Variants in PTPN22 observed in about 807,000 individuals in gnomAD.
PTPN22 encodes tyrosine-protein phosphatase non-receptor type 22.
Under a neutral mutation model 103.3 loss-of-function variants are expected in PTPN22, and 85 were observed. The ratio of observed to expected loss-of-function variants is 0.82; its 90% confidence interval spans 0.69 to 0.99. The LOEUF is 0.99. Among genes scored for constraint, PTPN22 ranks in the 50% least tolerant of loss-of-function variants. PTPN22 has a pLI of 0.00. For synonymous variants in PTPN22, 323 were observed against 310.2 expected, an observed-to-expected ratio of 1.04 and a Z score of -0.43; for missense variants, 865 against 936.9, an observed-to-expected ratio of 0.92 and a Z score of 1.00.
At chr1:113,835,137 G>A in intron 13 of PTPN22, 144 bp from the exon 14 acceptor site, 1 of 477,530 alleles carries the variant, frequency 2.1e-6, no homozygotes, top group Non-Finnish European at 3.5e-6. Flanking sequence ...GTTGACACTT[G>A]TTCATTCAAG....
At chr1:113,827,287 C>T (rs933244075) in intron 18 of PTPN22, among the ~76,000 whole-genome samples, 1 of 152,056 alleles carries the variant, frequency 6.6e-6, no homozygotes, top group Non-Finnish European at 1.5e-5. Context: ...GTCAGGAAAT[C>T]CTAGTAAAAA....
At chr1:113,852,163 T>G (rs1276978484) in intron 9 of PTPN22, 59 bp from the exon 10 acceptor site, 10 of 1,284,396 alleles carry the variant, frequency 7.8e-6, no homozygotes, top group Non-Finnish European at 1.1e-5. Flanking sequence ...TTATTGCTAC[T>G]TTTTCATAGT....
At chr1:113,858,482 A>G (rs1665271359) in exon 4 of PTPN22, 4 of 1,577,024 alleles carry the variant, frequency 2.5e-6, no homozygotes, top group Non-Finnish European at 3.5e-6. Context: ...ACTTACAAGG[A>G]CACTATATTC....
chr1:113,847,922 A>G (rs1420216225), intron 11 of PTPN22, among the ~76,000 whole-genome samples: 1 of 151,750 alleles, frequency 6.6e-6, no homozygotes, highest in African/African-American at 2.4e-5. Context: ...ATTTTTTTGT[A>G]GAGACAATTG....
chr1:113,864,076 A>T, intron 1 of PTPN22: 3 of 335,622 alleles, frequency 8.9e-6, no homozygotes, highest in Non-Finnish European at 1.8e-5. Context: ...GCACCATTGC[A>T]CTCTGGTCTG....
intron 1 of PTPN22, among the ~76,000 whole-genome samples, chr1:113,862,610 C>T (rs577793086): frequency 6.6e-6 from 1 of 152,248 alleles, no homozygotes; most frequent in East Asian, 1.9e-4. Flanking sequence ...CACAAGACCA[C>T]GATATCTTTG....
At chr1:113,856,655 A>G (rs753848831) in intron 5 of PTPN22, 36 bp from the exon 6 acceptor site, 3 of 1,613,726 alleles carry the variant, frequency 1.9e-6, no homozygotes, top group South Asian at 2.2e-5. Flanking sequence ...ATTTCCCTCC[A>G]TATATTCTAG....
chr1:113,825,010 C>A, intron 19 of PTPN22, 132 bp downstream of exon 19: 12 of 309,172 alleles, frequency 3.9e-5, no homozygotes, highest in Non-Finnish European at 5.0e-5. Flanking sequence ...GGTGATTGTT[C>A]TGATTCATAG....
chr1:113,840,208 C>T (rs1663424203), intron 11 of PTPN22, among the ~76,000 whole-genome samples: 1 of 139,204 alleles, frequency 7.2e-6, no homozygotes. Context: ...AAGACCCTAA[C>T]TTAATTCCAT....
intron 19 of PTPN22, among the ~76,000 whole-genome samples, chr1:113,821,361 G>A (rs182334145): frequency 5.8e-4 from 88 of 151,878 alleles, no homozygotes; most frequent in African/African-American, 2.0e-3. Context: ...TCACTCTGTC[G>A]CCCAGGCTGG....
intron 1 of PTPN22, among the ~76,000 whole-genome samples, chr1:113,867,494 T>C (rs1370736669): frequency 6.6e-6 from 1 of 152,106 alleles, no homozygotes; most frequent in Non-Finnish European, 1.5e-5. Flanking sequence ...AATAAGAAAA[T>C]GAATGTTGAT....
exon 13 of PTPN22, chr1:113,837,902 A>C: frequency 6.2e-7 from 1 of 1,614,138 alleles, no homozygotes; most frequent in Non-Finnish European, 8.5e-7. Context: ...TATGGCAGTG[A>C]ATAATTCAGT....
intron 20 of PTPN22, among the ~76,000 whole-genome samples, chr1:113,818,560 A>G (rs1048797662): frequency 6.6e-6 from 1 of 152,232 alleles, no homozygotes; most frequent in African/African-American, 2.4e-5. Flanking sequence ...CATTTTGTGA[A>G]GATGACACAG....
rs1157783017 is a variant in PTPN22 at position 113,833,154 on chromosome 1, A to G, written c.2026-16T>C. The G allele has an allele frequency of 6.5e-7, 1 of 1,537,188 alleles. No individual in the cohort carries two copies. The highest frequency in any genetic ancestry group is 8.9e-7 in the Non-Finnish European group (1 of 1,125,724). ...GTTTTACACTCTAAAAGAAAAAAAG[A>G]AAGGAAAAGTGAAAGAAGAATATGT... On this transcript the variant is annotated splice_polypyrimidine_tract_variant and intron_variant, in intron 15 of 20. Coordinates refer to ENST00000359785, the Ensembl canonical transcript of PTPN22.
chr1:113,828,176 A>G (rs1383858315), intron 18 of PTPN22, among the ~76,000 whole-genome samples: 1 of 151,766 alleles, frequency 6.6e-6, no homozygotes, highest in Non-Finnish European at 1.5e-5. Flanking sequence ...CCAGTTGCAG[A>G]TTTTTTTTCC....
intron 20 of PTPN22, among the ~76,000 whole-genome samples, chr1:113,816,270 C>G (rs1188229221): frequency 1.3e-5 from 2 of 151,886 alleles, no homozygotes; most frequent in Admixed American, 6.6e-5. Context: ...CCGAGGAGTT[C>G]AAGACCAGCC....
At chr1:113,847,273 A>T (rs1256665545) in intron 11 of PTPN22, among the ~76,000 whole-genome samples, 24 of 83,588 alleles carry the variant, frequency 2.9e-4, no homozygotes, top group East Asian at 7.4e-4. Context: ...TGTATTTTTT[A>T]ATTTGATTTA....
intron 9 of PTPN22, among the ~76,000 whole-genome samples, chr1:113,853,502 C>T (rs1215732597): frequency 6.6e-6 from 1 of 151,044 alleles, no homozygotes; most frequent in Non-Finnish European, 1.5e-5. Flanking sequence ...AGGCATGCGC[C>T]ACCACACCTG....
At chr1:113,834,482 C>T in intron 14 of PTPN22, 43 bp from the exon 15 acceptor site, 8 of 1,560,406 alleles carry the variant, frequency 5.1e-6, no homozygotes, top group Middle Eastern at 1.7e-4. Flanking sequence ...GAATAGTATT[C>T]TTTTAGACAT....
Sources: gnomAD v4.1 joint callset for allele counts (sites outside exome capture counted in the v4.1 genomes callset) on GRCh38, gnomAD v4.1.1 for gene constraint, MANE v1.5 for transcripts, NCBI Gene and HGNC (gene_info 2026-07-23, HGNC 2026-07-21) for gene names.